SLC28A1: variants seen among roughly 807,000 people sequenced by gnomAD.
SLC28A1 encodes the protein solute carrier family 28 member 1, also known as sodium/nucleoside cotransporter 1.
In SLC28A1, 64 loss-of-function variants were observed where a neutral mutation model predicts 74.8. The observed-to-expected ratio is 0.86, with a 90% confidence interval of 0.70 to 1.05. The LOEUF (loss-of-function observed/expected upper bound fraction) is 1.05, where lower values mean the gene tolerates loss of function less well. Among genes scored for constraint, SLC28A1 ranks in the 50% least tolerant of loss-of-function variants. The probability of loss-of-function intolerance (pLI) is 0.00; values close to 1 mark genes in which losing one functional copy is unlikely to be tolerated. For missense variants in SLC28A1, 828 were observed against 822.8 expected (o/e 1.01, Z -0.08); for synonymous variants, 359 against 335.0 (o/e 1.07, Z -0.78).
intron 9 of SLC28A1, among the ~76,000 whole-genome samples, chr15:84,915,104 ACT>A: frequency 6.6e-6 from 1 of 151,768 alleles, no homozygotes; most frequent in Non-Finnish European, 1.5e-5. Context: ...ACAGTACGTG[ACT>A]CTCTCTGCAT....
intron 8 of SLC28A1, 134 bp from the exon 9 acceptor site, chr15:84,908,584 G>A: frequency 1.4e-6 from 1 of 723,424 alleles, no homozygotes; most frequent in Admixed American, 2.1e-5. Flanking sequence ...CTTGCCAGGT[G>A]GTGCCCCCCC....
intron 15 of SLC28A1, chr15:84,941,210 T>C: frequency 6.6e-6 from 1 of 152,504 alleles, no homozygotes; most frequent in Non-Finnish European, 1.5e-5. Flanking sequence ...ATTTGGGATT[T>C]GTTTTTTTTT....
intron 6 of SLC28A1, among the ~76,000 whole-genome samples, chr15:84,898,452 G>A (rs894726137): frequency 1.3e-5 from 2 of 151,948 alleles, no homozygotes; most frequent in East Asian, 3.9e-4. Flanking sequence ...GGTGGCGGGC[G>A]CCTGTAGTCC....
At chr15:84,898,580 A>C (rs1966272671) in intron 6 of SLC28A1, among the ~76,000 whole-genome samples, 2 of 9,346 alleles carry the variant, frequency 2.1e-4, no homozygotes, top group African/African-American at 5.3e-4. Context: ...CTCCATCACC[A>C]AAAAAAAAAA....
At chr15:84,936,856 T>G (rs1971999239) in intron 15 of SLC28A1, among the ~76,000 whole-genome samples, 1 of 152,046 alleles carries the variant, frequency 6.6e-6, no homozygotes, top group Non-Finnish European at 1.5e-5. Context: ...AGTTCAAGAC[T>G]AGCCTGGGCA....
chr15:84,963,104 G>A, the SLC28A1 span, among the ~76,000 whole-genome samples: 18 of 152,160 alleles, frequency 1.2e-4, 1 homozygote, highest in East Asian at 1.9e-4. Flanking sequence ...GAGACTCAAC[G>A]ATATGCCTGA....
chr15:84,956,538 G>C, the SLC28A1 span, among the ~76,000 whole-genome samples: 1 of 148,386 alleles, frequency 6.7e-6, no homozygotes, highest in African/African-American at 2.5e-5. Flanking sequence ...TGTCACCCAG[G>C]CTGGAGTGCA....
At chr15:84,926,888 T>C (rs1970584926) in intron 12 of SLC28A1, among the ~76,000 whole-genome samples, 1 of 152,012 alleles carries the variant, frequency 6.6e-6, no homozygotes, top group Non-Finnish European at 1.5e-5. Context: ...CTCTCTCATC[T>C]CTGTCCCTGG....
the SLC28A1 span, among the ~76,000 whole-genome samples, chr15:84,955,748 A>G: frequency 3.9e-5 from 6 of 152,164 alleles, no homozygotes; most frequent in Non-Finnish European, 8.8e-5. Flanking sequence ...ATCTGAAAAC[A>G]TATTCTCCTG....
At chr15:84,915,722 C>T (rs1469897872) in intron 9 of SLC28A1, among the ~76,000 whole-genome samples, 1 of 152,130 alleles carries the variant, frequency 6.6e-6, no homozygotes, top group African/African-American at 2.4e-5. Flanking sequence ...AGTGACTATC[C>T]CTTCTTGAAA....
the SLC28A1 span, among the ~76,000 whole-genome samples, chr15:84,962,063 A>T: frequency 6.6e-6 from 1 of 151,400 alleles, no homozygotes; most frequent in Admixed American, 6.6e-5. Context: ...CTTGACCTAA[A>T]TTTTTTTTTA....
chr15:84,943,198 AAAACAAAAAAAG>A (rs1248182709), intron 15 of SLC28A1, among the ~76,000 whole-genome samples: 1 of 152,134 alleles, frequency 6.6e-6, no homozygotes. Flanking sequence ...AACAAAAACA[AAAACAAAAAAAG>A]AAACAAAAAA....
chr15:84,887,188 T>A (rs1055736751), intron 2 of SLC28A1, among the ~76,000 whole-genome samples: 1 of 152,232 alleles, frequency 6.6e-6, no homozygotes, highest in Non-Finnish European at 1.5e-5. Context: ...TAGAATACAC[T>A]GAAGATCTCA....
intron 12 of SLC28A1, 81 bp from the exon 13 acceptor site, chr15:84,933,064 C>T (rs1289618308): frequency 6.8e-7 from 1 of 1,464,914 alleles, no homozygotes; most frequent in Admixed American, 1.7e-5. Flanking sequence ...CACATGTGCC[C>T]TTGCTGCCCT....
rs752204599 is a variant in SLC28A1 at position 84,908,733 on chromosome 15, A to T, written c.733A>T (p.Thr245Ser). 1.2e-6 allele frequency: 2 copies of T among 1,613,834 alleles called. No individual in the cohort carries two copies. Among genetic ancestry groups the T allele is most frequent in the Non-Finnish European group, 1.7e-6 (2 of 1,179,978 alleles). Reference protein sequence around the residue: ...GEQIRIFLSYTKAGSSFVFGE... With the variant: ...GEQIRIFLSYSKAGSSFVFGE... ...TTTCTTTCAGATCTTCCTGAGCTAC[A>T]CGAAGGCTGGCTCCAGCTTCGTGTT... The change falls in exon 9 of 19, where the codon ACG becomes TCG. Residue 245 changes from threonine to serine, a missense_variant. Thr to Ser is a moderately conservative substitution (Grantham distance 58). Coordinates refer to ENST00000394573, the MANE Select transcript of SLC28A1 (RefSeq NM_004213.5).
chr15:84,885,621 C>T (rs1273923233), intron 1 of SLC28A1, among the ~76,000 whole-genome samples: 1 of 150,720 alleles, frequency 6.6e-6, no homozygotes, highest in Non-Finnish European at 1.5e-5. Context: ...ATCACAGCTA[C>T]TTGGGAGGCT....
chr15:84,894,902 G>A (rs1310774640), intron 5 of SLC28A1, 38 bp from the exon 6 acceptor site: 2 of 1,604,660 alleles, frequency 1.2e-6, no homozygotes. Context: ...AAGAGGTGGT[G>A]TCCTGGCTGT....
chr15:84,923,031 G>A (rs1349454844), intron 11 of SLC28A1, among the ~76,000 whole-genome samples: 2 of 152,158 alleles, frequency 1.3e-5, no homozygotes, highest in East Asian at 1.9e-4. Context: ...TCCGCCTCCC[G>A]GGTTCAAGCG....
the SLC28A1 span, among the ~76,000 whole-genome samples, chr15:84,957,880 G>T: frequency 6.6e-6 from 1 of 152,176 alleles, no homozygotes; most frequent in Admixed American, 6.5e-5. Flanking sequence ...GATAGAGATT[G>T]CATTGAATAT....
Sources: allele counts gnomAD v4.1 joint callset (sites outside exome capture counted in the v4.1 genomes callset), GRCh38; gene constraint gnomAD v4.1.1; transcripts MANE v1.5; gene names NCBI Gene and HGNC (gene_info 2026-07-23, HGNC 2026-07-21).